The following DMBT1 variants were observed in gnomAD, a reference collection of about 807,000 sequenced individuals.
The protein encoded by DMBT1 is deleted in malignant brain tumors 1, also known as scavenger receptor cysteine-rich domain-containing protein DMBT1.
In DMBT1, 198 loss-of-function variants were observed where a neutral mutation model predicts 252.9. The ratio of observed to expected loss-of-function variants is 0.78; its 90% CI spans 0.70 to 0.88. DMBT1 has a LOEUF of 0.88. Ranked by LOEUF, DMBT1 falls within the 40% of genes least tolerant of loss-of-function variation. DMBT1 has a pLI of 0.00. For synonymous variants in DMBT1, 990 were observed against 942.7 expected (o/e 1.05, Z -0.92); for missense variants, 2,432 against 2,404.7 (o/e 1.01, Z -0.24).
chr10:122,634,438 C>T lies in DMBT1; in HGVS notation c.6548+1097C>T, dbSNP rs1053388595. On this transcript the variant is annotated intron_variant, in intron 52 of 55. Coordinates refer to ENST00000338354, the MANE Select transcript of DMBT1 (RefSeq NM_001377530.1). The stretch of plus-strand genomic sequence containing the variant: ...CTCTCTCTCTCTCTCTCTTCTCTCT[C>T]TCTCTCTCTCTCTCTCTCTCTCTCT... Among the ~76,000 whole-genome samples, 74 of 46,144 alleles carry T rather than the reference C, an allele frequency of 1.6e-3. 2 individuals are homozygous for T. The highest frequency in any genetic ancestry group is 6.2e-3 in the African/African-American group (67 of 10,752). 30.3% of individuals were successfully genotyped at this position (46,144 alleles called of 152,430 possible).
intron 1 of DMBT1, among the ~76,000 whole-genome samples, chr10:122,561,292 G>A (rs1413900687): frequency 6.6e-6 from 1 of 152,164 alleles, no homozygotes; most frequent in African/African-American, 2.4e-5. Context: ...TATTTGCCGA[G>A]CAAAATCAGG....
chr10:122,587,139 A>G (rs1404293422), intron 16 of DMBT1, among the ~76,000 whole-genome samples: 2 of 148,278 alleles, frequency 1.3e-5, no homozygotes, highest in Non-Finnish European at 3.0e-5. Flanking sequence ...TCCAAACTAT[A>G]GCATGCTGCC....
chr10:122,586,216 G>T lies in DMBT1; in HGVS notation c.1616G>T (p.Trp539Leu). The T allele has an allele frequency of 1.3e-6, 2 of 1,589,080 alleles. No individual in the cohort carries two copies. The highest frequency in any genetic ancestry group is 1.7e-4 in the Middle Eastern group (1 of 6,012). Residue 539 changes from tryptophan to leucine, a missense_variant, in exon 16 of 56, where the codon TGG (tryptophan) becomes TTG (leucine). Physicochemically the swap from Trp to Leu is moderately conservative, Grantham distance 61. Transcript: ENST00000338354. ...GTCTGCAGGCAGCTGGGCTGTGGCT[G>T]GGCCATGTTGGCCCCAGGAAATGCC... ...NVVCRQLGCG[W>L]AMLAPGNARF... is the part of the protein sequence containing the mutation.
chr10:122,573,889 C>A, intron 6 of DMBT1, 127 bp downstream of exon 6: 1 of 1,155,678 alleles, frequency 8.7e-7, no homozygotes, highest in Non-Finnish European at 1.3e-6. Flanking sequence ...GGGGCCCTTC[C>A]ACAAAAGGCC....
At position 122,579,688 on chromosome 10, in the gene DMBT1, G is replaced by A. The variant is rs375023597; in HGVS notation, c.790G>A (p.Asp264Asn). The A allele has an allele frequency of 6.2e-7, 1 of 1,613,878 alleles. No individual in the cohort carries two copies. Among genetic ancestry groups the A allele is most frequent in the Non-Finnish European group, 8.5e-7 (1 of 1,179,808 alleles). ...GGGCACCGTGTGTGATGACTACTGGGACACCAATGATGCCAATGTGGTCTG... is the reference window on the plus strand; with the variant it reads ...GGGCACCGTGTGTGATGACTACTGGAACACCAATGATGCCAATGTGGTCTG... ...SWGTVCDDYWDTNDANVVCRQ... is the reference protein window; with the variant it reads ...SWGTVCDDYWNTNDANVVCRQ... The change falls in exon 10 of 56, where the codon GAC (aspartate) becomes AAC (asparagine). Residue 264 changes from aspartate (D) to asparagine (N), a missense_variant. Coordinates refer to ENST00000338354, the MANE Select transcript of DMBT1 (RefSeq NM_001377530.1).
At chr10:122,570,435 G>T (rs2097650766) in intron 3 of DMBT1, among the ~76,000 whole-genome samples, 1 of 152,212 alleles carries the variant, frequency 6.6e-6, no homozygotes, top group Non-Finnish European at 1.5e-5. Flanking sequence ...CAGCCACTTT[G>T]TGATGGTTTA....
At chr10:122,623,164 C>T (rs1004039969) in intron 44 of DMBT1, among the ~76,000 whole-genome samples, 3 of 152,224 alleles carry the variant, frequency 2.0e-5, no homozygotes, top group Non-Finnish European at 4.4e-5. Context: ...GAATCATAGC[C>T]TTTTCTGTCT....
intron 55 of DMBT1, among the ~76,000 whole-genome samples, chr10:122,641,152 C>T (rs1176571466): frequency 1.3e-5 from 2 of 152,098 alleles, no homozygotes; most frequent in African/African-American, 2.4e-5. Context: ...AGAGGTCAGG[C>T]CAGAGATGTC....
At chr10:122,636,924 CTTGG>C (rs543614463) in intron 53 of DMBT1, among the ~76,000 whole-genome samples, 200 bp from the exon 54 acceptor site, 84 of 152,342 alleles carry the variant, frequency 5.5e-4, no homozygotes, top group Non-Finnish European at 1.0e-3. Flanking sequence ...ACGTGCTCTC[CTTGG>C]GCTTTCATAA....
At chr10:122,630,230 T>C (rs1164004345) in intron 47 of DMBT1, 58 bp from the exon 48 acceptor site, 1 of 1,552,226 alleles carries the variant, frequency 6.4e-7, no homozygotes, top group Non-Finnish European at 8.9e-7. Context: ...AAACTATTTA[T>C]AAAATGGAGG....
Position 122,597,048 on chromosome 10 carries a change from A to G in DMBT1, c.2911A>G (p.Ser971Gly). The G allele has an allele frequency of 3.5e-6, 2 of 571,316 alleles. No individual in the cohort carries two copies. Among genetic ancestry groups the G allele is most frequent in the Non-Finnish European group, 5.8e-6 (2 of 344,382 alleles). The allele number at this position is 571,316 out of a possible 1,614,324, so 35.4% of individuals were successfully genotyped here. ...AGCTGCCCACTCCTGGTCGACGCCCAGTCCAGGTGAGTCCCCAGTGTCCTT... is the reference window on the plus strand; with the variant it reads ...AGCTGCCCACTCCTGGTCGACGCCCGGTCCAGGTGAGTCCCCAGTGTCCTT... ...CSAAHSWSTP[S>G]PDTLPTITLP... Residue 971 changes from serine (S) to glycine (G), a missense_variant, in exon 24 of 56, where the codon AGT becomes GGT. Physicochemically the swap from Ser to Gly is moderately conservative, Grantham distance 56. Transcript: ENST00000338354.
chr10:122,641,995 GGCTGTGGCTTC>G, intron 55 of DMBT1, among the ~76,000 whole-genome samples: 1 of 152,150 alleles, frequency 6.6e-6, no homozygotes. Flanking sequence ...GTGGAGTCAT[GGCTGTGGCTTC>G]GCTGTGGCAT....
At chr10:122,585,400 G>C in intron 15 of DMBT1, 91 bp downstream of exon 15, 1 of 1,467,486 alleles carries the variant, frequency 6.8e-7, no homozygotes, top group African/African-American at 1.4e-5. Context: ...GTCAAGGTGG[G>C]CCCCTCTGTT....
At chr10:122,585,927 T>C in intron 15 of DMBT1, 133 bp from the exon 16 acceptor site, 4 of 1,496,142 alleles carry the variant, frequency 2.7e-6, no homozygotes, top group Non-Finnish European at 3.6e-6. Context: ...GAATCTCTGG[T>C]TTTATTCATA....
intron 27 of DMBT1, among the ~76,000 whole-genome samples, chr10:122,600,468 G>C (rs1484128142): frequency 2.0e-5 from 3 of 152,160 alleles, no homozygotes; most frequent in African/African-American, 7.2e-5. Flanking sequence ...GCATCATCAG[G>C]GCAGGCTCGA....
rs79391372 is a variant in DMBT1, at chr10:122,620,805, C to T, written c.5285-252C>T. On this transcript the variant is annotated intron_variant, in intron 43 of 55. Coordinates refer to ENST00000338354, the MANE Select transcript of DMBT1 (RefSeq NM_001377530.1). ...ATGGAGCTCAGAATGAGGAGTGAGG[C>T]GTCCATTCCTGTCACCTCCAGTGGG... 5.9e-3 allele frequency among the ~76,000 whole-genome samples: 893 copies of T among 152,304 alleles called. 45 individuals are homozygous for T. The East Asian group carries it at 0.13, about 23-fold the overall frequency.
rs769853677 is a variant in DMBT1 at position 122,617,193 on chromosome 10, C to G, written c.4859-35C>G. The G allele has an allele frequency of 1.9e-6, 3 of 1,603,574 alleles. No individual in the cohort carries two copies. The East Asian group carries it at 7.0e-5, about 38-fold the overall frequency. Reference sequence around the variant, plus strand: ...TGTTCTGTGCCTTTTCCCTTCAAGTCTAATTCTGTCTTTTTTCTTTGTTGC... The same window carrying G: ...TGTTCTGTGCCTTTTCCCTTCAAGTGTAATTCTGTCTTTTTTCTTTGTTGC... On this transcript the variant is annotated intron_variant, in intron 39 of 55. Transcript: ENST00000338354.
chr10:122,565,840 C>G, intron 1 of DMBT1, 127 bp from the exon 2 acceptor site: 1 of 881,310 alleles, frequency 1.1e-6, no homozygotes, highest in South Asian at 1.5e-5. Context: ...GTCGGGGACA[C>G]ACAAACCCAA....
In DMBT1 at chr10:122,633,222, A is replaced by C. The variant is rs1279935403; in HGVS notation, c.6429A>C (p.Gln2143His). Residue 2143 changes from glutamine (Q) to histidine (H), a missense_variant, in exon 52 of 56, where the codon CAA becomes CAC. This residue lies in a region of DMBT1 where 1,162 missense variants were observed against 1,169.0 expected (regional missense o/e 0.99). Transcript: ENST00000338354. Reference protein sequence around the residue: ...TDYSCGGFLSQPSGDFSSPFY... With the variant: ...TDYSCGGFLSHPSGDFSSPFY... ...ATTCCTGCGGAGGCTTCCTATCCCA[A>C]CCATCAGGGGACTTTTCCAGCCCAT... 23 of 1,613,920 alleles carry C rather than the reference A, an allele frequency of 1.4e-5. No individual in the cohort carries two copies. The highest frequency in any genetic ancestry group is 2.7e-5 in the African/African-American group (2 of 75,016).
Sources: gnomAD v4.1 joint callset for allele counts (sites outside exome capture counted in the v4.1 genomes callset) on GRCh38, gnomAD v4.1.1 for gene constraint, gnomAD v4.1.1 regional missense constraint, MANE v1.5 for transcripts, NCBI Gene and HGNC (gene_info 2026-07-23, HGNC 2026-07-21) for gene names.